GATAD1: variants seen among roughly 807,000 people sequenced by gnomAD.
GATAD1 encodes GATA zinc finger domain-containing protein 1.
GATAD1 carries 12 observed loss-of-function variants against 26.5 expected under a neutral mutation model. That is an observed-to-expected ratio of 0.45 (90% CI 0.29 to 0.73). GATAD1 has a LOEUF of 0.73. Ranked by LOEUF, GATAD1 falls within the 30% of genes least tolerant of loss-of-function variation. The pLI, the probability that GATAD1 is intolerant of heterozygous loss-of-function variation, is 0.10. For synonymous variants in GATAD1, 129 were observed against 133.1 expected, an observed-to-expected ratio of 0.97 and a Z score of 0.21; for missense variants, 266 against 342.1, an observed-to-expected ratio of 0.78 and a Z score of 1.75.
chr7:92,467,661 C>T, the GATAD1 span, among the ~76,000 whole-genome samples: 1 of 152,172 alleles, frequency 6.6e-6, no homozygotes, highest in African/African-American at 2.4e-5. Flanking sequence ...CCAGTCAGGC[C>T]CAGGCTCCCT....
chr7:92,448,072 C>T (rs1789240605), intron 1 of GATAD1, 94 bp downstream of exon 1: 1 of 967,580 alleles, frequency 1.0e-6, no homozygotes, highest in African/African-American at 1.7e-5. Context: ...GCGGGCTTCC[C>T]CGATCGCCGT....
rs922487847 is a variant in GATAD1, at chr7:92,454,677, A to G, written c.611A>G (p.Tyr204Cys). The G allele has an allele frequency of 1.5e-5, 24 of 1,583,634 alleles. No individual in the cohort carries two copies. Among genetic ancestry groups the G allele is most frequent in the Non-Finnish European group, 2.0e-5 (23 of 1,168,460 alleles). Residue 204 changes from tyrosine (Y) to cysteine (C), a missense_variant, in exon 4 of 5, where the codon TAT becomes TGT. Physicochemically the swap from Tyr to Cys is radical, Grantham distance 194. Coordinates refer to ENST00000287957, the MANE Select transcript of GATAD1 (RefSeq NM_021167.5). ...AGAGACCAATTTGATCCCGCCTCCT[A>G]TATCATAGGTAAGTTTGACAAATGG... Reference protein sequence around the residue: ...SPRDQFDPASYIIGPEEDLPR... With the variant: ...SPRDQFDPASCIIGPEEDLPR...
At chr7:92,468,892 A>G in the GATAD1 span, 43 of 764,196 alleles carry the variant, frequency 5.6e-5, no homozygotes, top group Non-Finnish European at 8.1e-5. Context: ...TCTGCGGTAG[A>G]TCTTAGTCTT....
chr7:92,489,395 G>A, the GATAD1 span: 2 of 1,612,552 alleles, frequency 1.2e-6, no homozygotes, highest in Non-Finnish European at 1.7e-6. Context: ...GGTTTTGATT[G>A]GTCCTGGTTG....
At position 92,454,665 on chromosome 7, in the gene GATAD1, A is replaced by G; in HGVS notation, c.599A>G (p.Asp200Gly). Residue 200 changes from aspartate (D) to glycine (G), a missense_variant, in exon 4 of 5, where the codon GAT becomes GGT. By Grantham distance (94) the Asp-to-Gly change is moderately conservative. Coordinates refer to ENST00000287957, the MANE Select transcript of GATAD1 (RefSeq NM_021167.5). ...PTLSSPRDQF[D>G]PASYIIGPEE... ...CTCTCTAGCCCCAGAGACCAATTTG[A>G]TCCCGCCTCCTATATCATAGGTAAG... The G allele has an allele frequency of 6.3e-7, 1 of 1,596,302 alleles. No individual in the cohort carries two copies. Among genetic ancestry groups the G allele is most frequent in the Non-Finnish European group, 8.5e-7 (1 of 1,173,842 alleles).
chr7:92,454,194 AAAAT>A (rs1176665470), intron 3 of GATAD1: 2 of 282,070 alleles, frequency 7.1e-6, no homozygotes, highest in Non-Finnish European at 6.6e-6. Flanking sequence ...ACCTCTGTAA[AAAAT>A]AAAGTCTATT....
the GATAD1 span, among the ~76,000 whole-genome samples, chr7:92,477,104 C>T: frequency 6.6e-6 from 1 of 152,180 alleles, no homozygotes; most frequent in Admixed American, 6.5e-5. Flanking sequence ...CAACCGGCTA[C>T]TGCCGGGAGT....
chr7:92,449,203 G>T (rs1274022552), intron 2 of GATAD1: 2 of 984,964 alleles, frequency 2.0e-6, no homozygotes, highest in Non-Finnish European at 2.5e-6. Context: ...TATGGTTCTT[G>T]ATATGGCCAG....
chr7:92,490,407 C>T, the GATAD1 span, among the ~76,000 whole-genome samples: 8 of 151,878 alleles, frequency 5.3e-5, no homozygotes, highest in South Asian at 2.1e-4. Flanking sequence ...GGTCAAGGCA[C>T]GCAGATAGCT....
chr7:92,466,221 C>T, the GATAD1 span, among the ~76,000 whole-genome samples: 2 of 152,030 alleles, frequency 1.3e-5, no homozygotes, highest in Non-Finnish European at 2.9e-5. Context: ...GGCTGGAGTG[C>T]ACTGTTGTGA....
chr7:92,494,550 C>T, the GATAD1 span: 3 of 1,613,872 alleles, frequency 1.9e-6, no homozygotes, highest in East Asian at 2.2e-5. Flanking sequence ...TCTGTAACTC[C>T]TGTATTATCA....
At chr7:92,466,526 C>T in the GATAD1 span, among the ~76,000 whole-genome samples, 1 of 152,200 alleles carries the variant, frequency 6.6e-6, no homozygotes, top group Non-Finnish European at 1.5e-5. Flanking sequence ...AAAATCTTCT[C>T]TCAACCCAGA....
the GATAD1 span, among the ~76,000 whole-genome samples, chr7:92,488,048 T>C: frequency 2.0e-5 from 3 of 152,300 alleles, no homozygotes; most frequent in African/African-American, 7.2e-5. Context: ...CATTACCACA[T>C]TGCCTGGGAG....
chr7:92,472,569 T>A, the GATAD1 span: 1 of 152,248 alleles, frequency 6.6e-6, no homozygotes, highest in African/African-American at 2.4e-5. Flanking sequence ...GGTTAGGGCC[T>A]GGAAAGCCAC....
the GATAD1 span, chr7:92,487,674 G>T: frequency 2.1e-6 from 1 of 466,072 alleles, no homozygotes; most frequent in African/African-American, 2.0e-5. Flanking sequence ...AAAAATTCCA[G>T]TCACAGAAAT....
chr7:92,489,269 T>A, the GATAD1 span: 1 of 1,607,192 alleles, frequency 6.2e-7, no homozygotes, highest in Non-Finnish European at 8.5e-7. Flanking sequence ...TAGCTGTACT[T>A]CCAAAACAGA....
At chr7:92,472,371 A>G in the GATAD1 span, 1 of 152,240 alleles carries the variant, frequency 6.6e-6, no homozygotes, top group Admixed American at 6.5e-5. Flanking sequence ...TAAGACTGCT[A>G]CTGCCACCAC....
chr7:92,449,077 CT>C (rs1450739883), intron 2 of GATAD1, 200 bp downstream of exon 2: 2 of 1,070,210 alleles, frequency 1.9e-6, no homozygotes, highest in Non-Finnish European at 2.5e-6. Context: ...ATACTCTTTC[CT>C]TTTTGTTTTT....
the GATAD1 span, chr7:92,489,462 G>T: frequency 6.3e-7 from 1 of 1,586,380 alleles, no homozygotes; most frequent in South Asian, 1.1e-5. Context: ...GTTAAATTAA[G>T]GATGTAAAAA....
Sources: allele counts gnomAD v4.1 joint callset (sites outside exome capture counted in the v4.1 genomes callset), GRCh38; gene constraint gnomAD v4.1.1; transcripts MANE v1.5; gene names NCBI Gene and HGNC (gene_info 2026-07-23, HGNC 2026-07-21).